Variants in HNRNPH1 observed in about 807,000 individuals in gnomAD.
The protein encoded by HNRNPH1 is heterogeneous nuclear ribonucleoprotein H.
In HNRNPH1, 4 loss-of-function variants were observed where a neutral mutation model predicts 58.6. The ratio of observed to expected loss-of-function variants is 0.07; its 90% CI spans 0.03 to 0.16. The LOEUF (loss-of-function observed/expected upper bound fraction) is 0.16. Among genes scored for constraint, HNRNPH1 ranks in the 10% least tolerant of loss-of-function variants. HNRNPH1 has a pLI of 1.00. For missense variants in HNRNPH1, 271 were observed against 564.2 expected (o/e 0.48, Z 5.26); for synonymous variants, 192 against 189.2 (o/e 1.01, Z -0.12).
chr5:179,629,570 C>T (rs1231044964), upstream of HNRNPH1, among the ~76,000 whole-genome samples: 2 of 151,594 alleles, frequency 1.3e-5, no homozygotes, highest in African/African-American at 4.8e-5. Context: ...CAGGCATGAG[C>T]CACCATGCCA....
chr5:179,632,182 C>T (rs1245594753), intron 2 of HNRNPH1, among the ~76,000 whole-genome samples: 1 of 152,140 alleles, frequency 6.6e-6, no homozygotes, highest in Non-Finnish European at 1.5e-5. Context: ...GTGGCGGGTG[C>T]CTGTAGTCCC....
exon 1 of HNRNPH1, chr5:179,623,262 A>T: frequency 3.5e-6 from 2 of 564,820 alleles, no homozygotes; most frequent in South Asian, 3.6e-5. Flanking sequence ...CGGAGCAAAA[A>T]CCGGGCGGAT....
At chr5:179,624,769 TAAC>T (rs1040730892), upstream of HNRNPH1, 38 of 395,166 alleles carry the variant, frequency 9.6e-5, no homozygotes, top group African/African-American at 6.6e-4. Context: ...ATACACAAAT[TAAC>T]AATAAGGTAG....
chr5:179,625,045 A>G (rs957019044), upstream of HNRNPH1, among the ~76,000 whole-genome samples: 1 of 152,202 alleles, frequency 6.6e-6, no homozygotes, highest in Admixed American at 6.5e-5. Context: ...GGGGAGCCGT[A>G]AACCCTGTGT....
At chr5:179,620,849 G>A (rs1225504950) in intron 3 of HNRNPH1, 43 bp downstream of exon 4, 10 of 1,594,708 alleles carry the variant, frequency 6.3e-6, no homozygotes, top group East Asian at 4.5e-5. Flanking sequence ...CTTGCCATAA[G>A]CTAGCCAAAA....
intron 10 of HNRNPH1, chr5:179,616,607 A>G: frequency 1.9e-6 from 1 of 531,522 alleles, no homozygotes; most frequent in Non-Finnish European, 3.3e-6. Flanking sequence ...ATTGATTTAA[A>G]CTTTATACTT....
intron 2 of HNRNPH1, among the ~76,000 whole-genome samples, chr5:179,633,592 G>T (rs79193801): frequency 0.086 from 13,000 of 151,528 alleles, 568 homozygotes; most frequent in Middle Eastern, 0.12. Flanking sequence ...GATTACGGGC[G>T]TGAGCCACCG....
intron 2 of HNRNPH1, 72 bp from the exon 4 acceptor site, chr5:179,621,107 G>A (rs1772108766): frequency 6.4e-7 from 1 of 1,552,510 alleles, no homozygotes; most frequent in Non-Finnish European, 8.9e-7. Context: ...TGGGTCTTTA[G>A]ATAAGCTAGG....
chr5:179,617,492 A>T, intron 8 of HNRNPH1, 22 bp downstream of exon 9: 3 of 1,609,996 alleles, frequency 1.9e-6, no homozygotes, highest in Non-Finnish European at 2.5e-6. Context: ...TTAAGAGCCC[A>T]CAAATGCTCA....
At chr5:179,617,167 G>T in intron 8 of HNRNPH1, 57 bp from the exon 10 acceptor site, 1 of 1,533,666 alleles carries the variant, frequency 6.5e-7, no homozygotes, top group Non-Finnish European at 9.0e-7. Context: ...AACAGAATAA[G>T]CACTTTTATA....
At chr5:179,633,572 A>G (rs555438730) in intron 2 of HNRNPH1, among the ~76,000 whole-genome samples, 1 of 145,160 alleles carries the variant, frequency 6.9e-6, no homozygotes, top group Admixed American at 7.1e-5. Context: ...TTGGCCTCCC[A>G]AAGTGCTGGG....
intron 1 of HNRNPH1, 136 bp from the exon 3 acceptor site, chr5:179,621,533 A>C: frequency 1.5e-6 from 1 of 670,612 alleles, no homozygotes; most frequent in Non-Finnish European, 2.5e-6. Context: ...CCACGATATT[A>C]CCAACTCCTA....
At chr5:179,624,705 TC>T, upstream of HNRNPH1, 1 of 397,686 alleles carries the variant, frequency 2.5e-6, no homozygotes, top group East Asian at 3.6e-5. Context: ...CTCCCAGGCC[TC>T]CCCATGTCTG....
Position 179,623,177 on chromosome 5 carries a change from G to C in HNRNPH1, c.-44C>G, listed in dbSNP as rs772372003. The C allele has an allele frequency of 5.4e-5, 78 of 1,451,448 alleles. No individual in the cohort carries two copies. The highest frequency in any genetic ancestry group is 7.1e-5 in the Non-Finnish European group (74 of 1,039,398). 89.9% of individuals were successfully genotyped at this position (1,451,448 alleles called of 1,614,324 possible). ...GCGTCGAAACAAACTGCAAAGCGGG[G>C]AGGACCAGAACTGAGAGCGCCAATT... On this transcript the variant is annotated 5_prime_UTR_variant, in exon 1 of 13. Coordinates refer to ENST00000356731, the Ensembl canonical transcript of HNRNPH1.
intron 12 of HNRNPH1, chr5:179,615,183 C>T (rs536624932): frequency 3.8e-5 from 18 of 477,644 alleles, no homozygotes; most frequent in African/African-American, 7.7e-5. Flanking sequence ...ACCATTTTAA[C>T]GGATTCTTCA....
At chr5:179,618,753 TAGTAAGAATC>T (rs1770969592) in intron 4 of HNRNPH1, 2 of 162,848 alleles carry the variant, frequency 1.2e-5, no homozygotes, top group Non-Finnish European at 2.7e-5. Flanking sequence ...CCTATGCTTT[TAGTAAGAATC>T]AGCATAGGTA....
upstream of HNRNPH1, among the ~76,000 whole-genome samples, chr5:179,627,701 T>C (rs1774509952): frequency 6.6e-6 from 1 of 151,918 alleles, no homozygotes; most frequent in Admixed American, 6.6e-5. Context: ...GGTGGGTGGA[T>C]AACTTGATGT....
At chr5:179,633,117 A>C (rs1581778026) in intron 2 of HNRNPH1, among the ~76,000 whole-genome samples, 1 of 151,562 alleles carries the variant, frequency 6.6e-6, no homozygotes, top group East Asian at 2.0e-4. Context: ...TCAGCCTCCC[A>C]AAGTGCTGGG....
At chr5:179,619,030 A>G in intron 4 of HNRNPH1, 1 of 321,708 alleles carries the variant, frequency 3.1e-6, no homozygotes, top group Non-Finnish European at 5.7e-6. Context: ...TCTCAACTCT[A>G]TTGATTGGGG....
Sources: gnomAD v4.1 joint callset for allele counts (sites outside exome capture counted in the v4.1 genomes callset) on GRCh38, gnomAD v4.1.1 for gene constraint, MANE v1.5 for transcripts, NCBI Gene and HGNC (gene_info 2026-07-23, HGNC 2026-07-21) for gene names.